The following HMCN1 variants were observed in gnomAD, a reference collection of about 807,000 sequenced individuals.
The protein encoded by HMCN1 is hemicentin 1, also known as hemicentin-1.
A neutral mutation model predicts 625.9 loss-of-function variants in HMCN1; 321 were observed. The observed-to-expected ratio is 0.51, with a 90% CI of 0.47 to 0.56. The LOEUF (loss-of-function observed/expected upper bound fraction) is 0.56, where lower values mean the gene tolerates loss of function less well. Among genes scored for constraint, HMCN1 ranks in the 20% least tolerant of loss-of-function variants. The pLI, the probability that HMCN1 is intolerant of heterozygous loss-of-function variation, is 0.00. For missense variants in HMCN1, 6,588 were observed against 6,887.3 expected (o/e 0.96, Z 1.54); for synonymous variants, 2,425 against 2,417.6 (o/e 1.00, Z -0.09).
chr1:186,132,970 CTCA>C (rs1193749131), intron 86 of HMCN1, among the ~76,000 whole-genome samples: 1 of 152,084 alleles, frequency 6.6e-6, no homozygotes, highest in Non-Finnish European at 1.5e-5. Context: ...AGGACATGAA[CTCA>C]TCGTTTTTTA....
In HMCN1 at chr1:186,117,938, T is replaced by A. The variant is rs140362043; in HGVS notation, c.11848+315T>A. On this transcript the variant is annotated intron_variant, in intron 77 of 106. Transcript: ENST00000271588. ...AACAAATTCCCGAGTTACCTGTGAG[T>A]GAATCACACTTCTTTCATTGGCCAA... is the stretch of plus-strand genomic sequence containing the variant. 4.4e-3 allele frequency among the ~76,000 whole-genome samples: 665 copies of A among 152,208 alleles called. 14 individuals carry two copies. The highest frequency in any genetic ancestry group is 0.043 in the South Asian group (205 of 4,820).
chr1:186,101,654 G>A (rs1233626744), intron 68 of HMCN1, among the ~76,000 whole-genome samples: 1 of 151,992 alleles, frequency 6.6e-6, no homozygotes, highest in African/African-American at 2.4e-5. Flanking sequence ...ACAGTCTGGG[G>A]TTTGAACTAC....
intron 86 of HMCN1, among the ~76,000 whole-genome samples, chr1:186,135,972 C>T (rs1649575869): frequency 6.6e-6 from 1 of 152,134 alleles, no homozygotes; most frequent in Non-Finnish European, 1.5e-5. Flanking sequence ...AAATAGCAGG[C>T]TTTCAGTACA....
rs372463264 is a variant in HMCN1 at position 186,090,948 on chromosome 1, A to T, written c.9887+31A>T. The stretch of plus-strand genomic sequence containing the variant: ...TTTAAAAATAATCTTTCCATTATAA[A>T]TTGTAAGCCCTTCTACAATGCTTTA... On this transcript the variant is annotated intron_variant, in intron 64 of 106. Transcript: ENST00000271588. 6 of 1,597,980 alleles carry T rather than the reference A, an allele frequency of 3.8e-6. No individual in the cohort carries two copies. In the African/African-American group the frequency reaches 5.4e-5, roughly 14 times the overall value.
chr1:185,759,338 G>C (rs1309134499), intron 1 of HMCN1, among the ~76,000 whole-genome samples: 2 of 152,150 alleles, frequency 1.3e-5, no homozygotes, highest in African/African-American at 4.8e-5. Flanking sequence ...TTCCTGGAAT[G>C]TTAAGACGGG....
chr1:186,117,624 G>A lies in HMCN1; in HGVS notation c.11848+1G>A, dbSNP rs1330891824. The stretch of plus-strand genomic sequence containing the variant: ...GATGGCTATAGAATTCTGTCCTCAG[G>A]TAAGACCAAGCTCAGTGATTTCACA... On this transcript the variant is annotated splice_donor_variant, in intron 77 of 106. Coordinates refer to ENST00000271588, the MANE Select transcript of HMCN1 (RefSeq NM_031935.3). LOFTEE classifies it high-confidence loss of function. The A allele has an allele frequency of 1.9e-6, 3 of 1,613,000 alleles. No individual in the cohort carries two copies. The highest frequency in any genetic ancestry group is 2.5e-6 in the Non-Finnish European group (3 of 1,179,134).
chr1:186,149,009 T>G (rs955489297), intron 93 of HMCN1, among the ~76,000 whole-genome samples: 1 of 151,838 alleles, frequency 6.6e-6, no homozygotes, highest in Non-Finnish European at 1.5e-5. Context: ...AACCATGCTA[T>G]AAACAGATGT....
intron 21 of HMCN1, 34 bp from the exon 22 acceptor site, chr1:185,990,241 A>T: frequency 6.3e-7 from 1 of 1,588,580 alleles, no homozygotes; most frequent in Non-Finnish European, 8.6e-7. Flanking sequence ...TTTTCAATAT[A>T]CTGTTTCCCT....
chr1:185,924,888 A>G (rs1025449835), intron 8 of HMCN1, among the ~76,000 whole-genome samples, 159 bp from the exon 9 acceptor site: 3 of 152,210 alleles, frequency 2.0e-5, no homozygotes, highest in African/African-American at 7.2e-5. Flanking sequence ...AAATAAAGAT[A>G]GAAAAAGTAA....
At chr1:185,921,524 T>TTA (rs981414953) in intron 6 of HMCN1, among the ~76,000 whole-genome samples, 8 of 152,046 alleles carry the variant, frequency 5.3e-5, no homozygotes, top group African/African-American at 1.7e-4. Flanking sequence ...AGATTAAAAT[T>TTA]TATATATATA....
chr1:186,137,949 T>G lies in HMCN1; in HGVS notation c.13901T>G (p.Met4634Arg). ...PCEGNAVEII[M>R]CNIRPCPVHG... is the part of the protein sequence containing the mutation. Reference sequence around the variant, plus strand: ...GAAGGGAATGCTGTGGAAATAATTATGTGCAACATTAGGCCTTGCCCAGGT... The same window carrying G: ...GAAGGGAATGCTGTGGAAATAATTAGGTGCAACATTAGGCCTTGCCCAGGT... Residue 4634 changes from methionine to arginine, a missense_variant, in exon 89 of 107, where the codon ATG (methionine) becomes AGG (arginine). Physicochemically the swap from Met to Arg is moderately conservative, Grantham distance 91. This residue lies in a region of HMCN1 where 1,954 missense variants were observed against 2,013.1 expected (regional missense o/e 0.97). Transcript: ENST00000271588. 1 of 1,614,030 alleles carries G rather than the reference T, an allele frequency of 6.2e-7. No homozygotes were observed. The highest frequency in any genetic ancestry group is 8.5e-7 in the Non-Finnish European group (1 of 1,179,944).
At chr1:185,930,907 TACACAC>T (rs3030426) in intron 10 of HMCN1, among the ~76,000 whole-genome samples, 118 of 139,030 alleles carry the variant, frequency 8.5e-4, no homozygotes, top group East Asian at 6.9e-3. Context: ...TTTCACCCAA[TACACAC>T]ACACACACAC....
chr1:185,803,205 C>CAAAAAAAAAAAAAAAAAA, intron 1 of HMCN1, among the ~76,000 whole-genome samples: 2,049 of 58,328 alleles, frequency 0.035, 8 homozygotes, highest in Non-Finnish European at 0.058. Flanking sequence ...AAAAAAAAAG[C>CAAAAAAAAAAAAAAAAAA]AAAAAAAAAA....
At chr1:185,826,411 T>G (rs1571408975) in intron 1 of HMCN1, among the ~76,000 whole-genome samples, 1 of 152,126 alleles carries the variant, frequency 6.6e-6, no homozygotes, top group South Asian at 2.1e-4. Context: ...AGGAATGTCT[T>G]CCCAAGGCAG....
chr1:186,178,744 G>A lies in HMCN1; in HGVS notation c.16272G>A (p.Glu5424=). 6.2e-7 allele frequency: 1 copy of A among 1,612,106 alleles called. No homozygotes were observed. Among genetic ancestry groups the A allele is most frequent in the Non-Finnish European group, 8.5e-7 (1 of 1,178,178 alleles). Residue 5424 remains glutamate, a synonymous_variant, in exon 104 of 107, where the codon GAG becomes GAA. Coordinates refer to ENST00000271588, the MANE Select transcript of HMCN1 (RefSeq NM_031935.3). ...TIRKTCPEGS[E]ASHDTCVDID... is the part of the protein sequence containing the mutation. ...GGAAAACTTGCCCTGAAGGCTCTGAGGCAAGCCATGACACATGTGTAGGTA... is the reference window on the plus strand; with the variant it reads ...GGAAAACTTGCCCTGAAGGCTCTGAAGCAAGCCATGACACATGTGTAGGTA...
chr1:186,067,907 A>G lies in HMCN1; in HGVS notation c.7779A>G (p.Thr2593=), dbSNP rs1414545204. The change falls in exon 50 of 107, where the codon ACA becomes ACG. Residue 2593 remains threonine, a synonymous_variant. Coordinates refer to ENST00000271588, the MANE Select transcript of HMCN1 (RefSeq NM_031935.3). Reference sequence around the variant, plus strand: ...TCACTGTCATCCTTAACAGCCCTACATCTTTGGTCTGTGAAGCTTATTCAT... The same window carrying G: ...TCACTGTCATCCTTAACAGCCCTACGTCTTTGGTCTGTGAAGCTTATTCAT... ...EDVTVILNSP[T]SLVCEAYSYP... 1.9e-6 allele frequency: 3 copies of G among 1,612,130 alleles called. No individual in the cohort carries two copies. Among genetic ancestry groups the G allele is most frequent in the Non-Finnish European group, 2.5e-6 (3 of 1,178,352 alleles).
chr1:186,155,631 G>A (rs190751908), intron 97 of HMCN1, among the ~76,000 whole-genome samples: 11 of 152,230 alleles, frequency 7.2e-5, no homozygotes, highest in East Asian at 5.8e-4. Context: ...TCTTTGTACC[G>A]TCTTTAAGTG....
intron 1 of HMCN1, among the ~76,000 whole-genome samples, chr1:185,782,654 T>G (rs1657220595): frequency 6.6e-6 from 1 of 152,238 alleles, no homozygotes; most frequent in African/African-American, 2.4e-5. Flanking sequence ...TTCTTTTCTT[T>G]AAGAATGTTG....
intron 1 of HMCN1, among the ~76,000 whole-genome samples, chr1:185,794,171 G>GA (rs959006888): frequency 1.1e-4 from 16 of 149,934 alleles, no homozygotes; most frequent in South Asian, 4.2e-4. Context: ...CTTCTAAAAG[G>GA]AAAAAAAAAC....
Sources: gnomAD v4.1 joint callset for allele counts (sites outside exome capture counted in the v4.1 genomes callset) on GRCh38, gnomAD v4.1.1 for gene constraint, gnomAD v4.1.1 regional missense constraint, MANE v1.5 for transcripts, NCBI Gene and HGNC (gene_info 2026-07-23, HGNC 2026-07-21) for gene names.